CEP112: variants seen among roughly 807,000 people sequenced by gnomAD.
CEP112 encodes centrosomal protein 112, also known as centrosomal protein of 112 kDa.
A neutral mutation model predicts 153.0 loss-of-function variants in CEP112; 127 were observed. That is an observed-to-expected ratio of 0.83 (90% CI 0.72 to 0.96). The LOEUF is 0.96. Among genes scored for constraint, CEP112 ranks in the 40% least tolerant of loss-of-function variants. The pLI is 0.00. For synonymous variants in CEP112, 358 were observed against 374.4 expected, an observed-to-expected ratio of 0.96 and a Z score of 0.51; for missense variants, 1,089 against 1,101.2, an observed-to-expected ratio of 0.99 and a Z score of 0.16.
At chr17:66,077,510 A>G (rs775129266) in intron 8 of CEP112, among the ~76,000 whole-genome samples, 1 of 152,218 alleles carries the variant, frequency 6.6e-6, no homozygotes, top group Admixed American at 6.5e-5. Context: ...CAACAAAGAC[A>G]AAGAAAAAAG....
At chr17:65,638,363 G>C (rs763123279) in intron 25 of CEP112, among the ~76,000 whole-genome samples, 10 of 152,240 alleles carry the variant, frequency 6.6e-5, no homozygotes, top group Non-Finnish European at 1.5e-4. Flanking sequence ...AGTGGTATTT[G>C]ATCGTTTCAG....
chr17:66,097,712 T>C (rs1012190785), intron 6 of CEP112, among the ~76,000 whole-genome samples: 7 of 152,166 alleles, frequency 4.6e-5, no homozygotes, highest in Non-Finnish European at 1.0e-4. Flanking sequence ...CAATATCTAA[T>C]GTATAGTAGC....
intron 23 of CEP112, among the ~76,000 whole-genome samples, chr17:65,713,137 C>A (rs7212645): frequency 0.12 from 17,643 of 152,156 alleles, 1,616 homozygotes; most frequent in East Asian, 0.43. Context: ...GTAGACAGTA[C>A]ATGGCAACTC....
At chr17:65,787,270 A>C (rs1457057016) in intron 21 of CEP112, among the ~76,000 whole-genome samples, 1 of 152,204 alleles carries the variant, frequency 6.6e-6, no homozygotes. Context: ...GCGTGAAGCC[A>C]GGAGTTCAAG....
chr17:65,834,166 G>A (rs1408937714), intron 21 of CEP112, among the ~76,000 whole-genome samples: 1 of 152,170 alleles, frequency 6.6e-6, no homozygotes, highest in African/African-American at 2.4e-5. Flanking sequence ...GACTGAAGCT[G>A]AATCCCTTCC....
intron 8 of CEP112, among the ~76,000 whole-genome samples, chr17:66,076,143 C>T (rs2146127445): frequency 6.6e-6 from 1 of 152,308 alleles, no homozygotes; most frequent in Admixed American, 6.5e-5. Context: ...GGAAATACCA[C>T]AGAGAGAAGG....
intron 24 of CEP112, among the ~76,000 whole-genome samples, chr17:65,676,815 GT>G (rs1482568917): frequency 1.3e-5 from 2 of 152,210 alleles, no homozygotes; most frequent in Non-Finnish European, 2.9e-5. Context: ...GAATGGAGCA[GT>G]TGGGATCATT....
chr17:65,727,165 G>A (rs1015415646), intron 23 of CEP112, among the ~76,000 whole-genome samples: 5 of 152,184 alleles, frequency 3.3e-5, no homozygotes, highest in Admixed American at 1.3e-4. Context: ...TTTTCAAAAT[G>A]AAAACTTATA....
At chr17:65,859,860 A>G (rs907949178) in intron 20 of CEP112, among the ~76,000 whole-genome samples, 1 of 150,646 alleles carries the variant, frequency 6.6e-6, no homozygotes, top group Admixed American at 6.6e-5. Flanking sequence ...TACAAAAAAA[A>G]AAAAAAAAAA....
At chr17:65,946,777 T>A (rs1470639508) in intron 18 of CEP112, among the ~76,000 whole-genome samples, 3 of 152,172 alleles carry the variant, frequency 2.0e-5, no homozygotes, top group Admixed American at 1.3e-4. Context: ...TTCTATAGAT[T>A]TAAGAACTGC....
At chr17:65,886,101 G>T (rs536943085) in intron 20 of CEP112, among the ~76,000 whole-genome samples, 1 of 152,030 alleles carries the variant, frequency 6.6e-6, no homozygotes, top group Non-Finnish European at 1.5e-5. Flanking sequence ...TTAAAGTCCC[G>T]CCTTTGGTTC....
At chr17:65,657,978 T>C (rs1040127121) in intron 24 of CEP112, among the ~76,000 whole-genome samples, 56 of 152,200 alleles carry the variant, frequency 3.7e-4, no homozygotes, top group South Asian at 1.4e-3. Flanking sequence ...CAAATTTAGA[T>C]TGAATGTAGT....
At chr17:66,094,016 AAC>A (rs1326885696) in intron 8 of CEP112, among the ~76,000 whole-genome samples, 1 of 152,012 alleles carries the variant, frequency 6.6e-6, no homozygotes, top group African/African-American at 2.4e-5. Flanking sequence ...CCCAGAAATA[AAC>A]CCATACATTT....
chr17:65,945,790 G>A (rs1191266018), intron 18 of CEP112, among the ~76,000 whole-genome samples: 1 of 152,078 alleles, frequency 6.6e-6, no homozygotes, highest in Non-Finnish European at 1.5e-5. Flanking sequence ...GGGATTACAG[G>A]TGCCTGCCAT....
At chr17:65,962,012 G>C (rs1435225617) in intron 17 of CEP112, among the ~76,000 whole-genome samples, 1 of 152,190 alleles carries the variant, frequency 6.6e-6, no homozygotes, top group Non-Finnish European at 1.5e-5. Context: ...GTCACAAAAA[G>C]TTACATATTG....
intron 25 of CEP112, among the ~76,000 whole-genome samples, chr17:65,639,836 C>CTTTTTTTTTTTT (rs554226605): frequency 1.8e-5 from 2 of 110,966 alleles, no homozygotes; most frequent in Non-Finnish European, 3.5e-5. Flanking sequence ...CTCTTTCTTT[C>CTTTTTTTTTTTT]TTTTTTTTTT....
At chr17:65,797,167 T>G (rs1275962295) in intron 21 of CEP112, 1 of 152,218 alleles carries the variant, frequency 6.6e-6, no homozygotes, top group Non-Finnish European at 1.5e-5. Flanking sequence ...GTACCACAGA[T>G]TTCATATTCT....
intron 4 of CEP112, among the ~76,000 whole-genome samples, chr17:66,135,027 A>G (rs1028538518): frequency 6.6e-6 from 1 of 152,234 alleles, no homozygotes; most frequent in Non-Finnish European, 1.5e-5. Flanking sequence ...TTTTGCTTAC[A>G]AAATCTACAT....
At chr17:66,017,424 GGGGTT>G (rs1488779483) in intron 16 of CEP112, among the ~76,000 whole-genome samples, 5 of 152,052 alleles carry the variant, frequency 3.3e-5, no homozygotes, top group Non-Finnish European at 7.4e-5. Flanking sequence ...TTTTGAGCTG[GGGGTT>G]TCTTAAGGTA....
Sources: gnomAD v4.1 joint callset for allele counts (sites outside exome capture counted in the v4.1 genomes callset) on GRCh38, gnomAD v4.1.1 for gene constraint, MANE v1.5 for transcripts, NCBI Gene and HGNC (gene_info 2026-07-23, HGNC 2026-07-21) for gene names.